SF3B1: variants seen among roughly 807,000 people sequenced by gnomAD.
SF3B1 encodes pre-mRNA processing 10.
Under a neutral mutation model 153.8 loss-of-function variants are expected in SF3B1, and 12 were observed. The ratio of observed to expected loss-of-function variants is 0.08; its 90% CI spans 0.05 to 0.13. The LOEUF is 0.13. Among genes scored for constraint, SF3B1 ranks in the 10% least tolerant of loss-of-function variants. The pLI is 1.00. For missense variants in SF3B1, 513 were observed against 1,606.1 expected (o/e 0.32, Z 11.63); for synonymous variants, 498 against 525.2 (o/e 0.95, Z 0.71).
intron 5 of SF3B1, among the ~76,000 whole-genome samples, chr2:197,418,234 C>CACAAAAAAAAAAAAAAAAAAAAAAAA (rs2085183143): frequency 2.7e-5 from 1 of 36,366 alleles, no homozygotes; most frequent in African/African-American, 8.2e-5. Context: ...AGACTGTGTC[C>CACAAAAAAAAAAAAAAAAAAAAAAAA]AAAAAAAAAA....
intron 6 of SF3B1, among the ~76,000 whole-genome samples, chr2:197,413,966 C>T (rs946678515): frequency 4.6e-5 from 7 of 152,152 alleles, no homozygotes; most frequent in Middle Eastern, 3.4e-3. Flanking sequence ...GCCAACATGC[C>T]GGGCTAATTT....
intron 22 of SF3B1, among the ~76,000 whole-genome samples, 193 bp from the exon 23 acceptor site, chr2:197,396,521 G>GT (rs577550826): frequency 6.6e-6 from 1 of 151,858 alleles, no homozygotes; most frequent in Non-Finnish European, 1.5e-5. Context: ...TAAAAGGTCA[G>GT]TTTAAAAAAG....
In SF3B1 at chr2:197,390,842, C is replaced by A. The variant is rs1002007894; in HGVS notation, c.*1461G>T. 1.3e-5 allele frequency: 2 copies of A among 152,114 alleles called. No individual in the cohort carries two copies. The highest frequency in any genetic ancestry group is 2.4e-5 in the African/African-American group (1 of 41,390). 9.4% of individuals were successfully genotyped at this position (152,114 alleles called of 1,614,324 possible). A position where few individuals can be genotyped will look rare whatever the true frequency, so the allele number is the denominator to read the frequency against. On this transcript the variant is annotated 3_prime_UTR_variant, in exon 25 of 25. Transcript: ENST00000335508. ...GGTCTCGATCTCCTGACCTCGTGAT[C>A]CGCCCGCCTCAGCCTCCCAAAGTGC...
chr2:197,397,591 T>A (rs2084890973), intron 22 of SF3B1, among the ~76,000 whole-genome samples: 1 of 151,570 alleles, frequency 6.6e-6, no homozygotes, highest in African/African-American at 2.4e-5. Context: ...AGGCCAGGAG[T>A]TCGAGAACAG....
Position 197,400,979 on chromosome 2 carries a change from C to T in SF3B1, c.2497-43G>A, listed in dbSNP as rs752425139. ...ACAAAAAACCTTTTAGACTGCTTTT[C>T]CAAGGAAATAAAGCAACATCATGAA... On this transcript the variant is annotated intron_variant, in intron 17 of 24. Transcript: ENST00000335508. This position sits in a 1 kb window ranked among gnomAD's most constrained non-coding sequence, Gnocchi z 5.0. The T allele has an allele frequency of 2.4e-5, 30 of 1,272,152 alleles. No individual in the cohort carries two copies. Among genetic ancestry groups the T allele is most frequent in the Non-Finnish European group, 3.4e-5 (30 of 890,424 alleles). 78.8% of individuals were successfully genotyped at this position (1,272,152 alleles called of 1,614,324 possible). A position where few individuals can be genotyped will look rare whatever the true frequency, so the allele number is the denominator to read the frequency against.
At chr2:197,418,666 C>A (rs2085192802) in intron 4 of SF3B1, 78 bp from the exon 5 acceptor site, 4 of 1,531,156 alleles carry the variant, frequency 2.6e-6, no homozygotes, top group South Asian at 1.3e-5. Flanking sequence ...ATCTGCCCTG[C>A]TCTAAATATT....
Position 197,401,922 on chromosome 2 carries a change from A to G in SF3B1, c.2224-34T>C. On this transcript the variant is annotated intron_variant, in intron 15 of 24. Transcript: ENST00000335508. The surrounding 1 kb of genome is among the most constrained non-coding windows in gnomAD (Gnocchi z 4.2). ...AAATAAAAAATATATGTACTTTAGT[A>G]ATTTAGATTTATGTCGCCTTAACTT... 6.3e-7 allele frequency: 1 copy of G among 1,589,412 alleles called. No homozygotes were observed. The highest frequency in any genetic ancestry group is 8.5e-7 in the Non-Finnish European group (1 of 1,171,274).
chr2:197,392,644 C>T (rs916001961), intron 24 of SF3B1, among the ~76,000 whole-genome samples, 183 bp from the exon 25 acceptor site: 2 of 150,962 alleles, frequency 1.3e-5, no homozygotes, highest in African/African-American at 4.9e-5. Context: ...CCCCTGTCAC[C>T]ACACAATTGT....
chr2:197,427,247 G>T (rs1274873027), intron 1 of SF3B1, among the ~76,000 whole-genome samples: 2 of 152,160 alleles, frequency 1.3e-5, no homozygotes, highest in African/African-American at 2.4e-5. Flanking sequence ...TAATCCTAAG[G>T]TGAGTATATT....
In SF3B1 at chr2:197,405,492, A is replaced by C; in HGVS notation, c.1240-20T>G. The C allele has an allele frequency of 6.4e-7, 1 of 1,557,264 alleles. No individual in the cohort carries two copies. Among genetic ancestry groups the C allele is most frequent in the Non-Finnish European group, 8.8e-7 (1 of 1,137,740 alleles). ...AAGTACCTAATAAAAGTTATAAGAC[A>C]GTTTAGGATTTTCTTAACTTAAAAA... On this transcript the variant is annotated intron_variant, in intron 9 of 24. Coordinates refer to ENST00000335508, the MANE Select transcript of SF3B1 (RefSeq NM_012433.4).
chr2:197,420,030 A>G (rs1574547597), intron 4 of SF3B1: 1 of 240,316 alleles, frequency 4.2e-6, no homozygotes, highest in East Asian at 6.2e-5. Flanking sequence ...GGGGAGCTCT[A>G]GTGTGAGAAA....
chr2:197,410,828 A>G (rs565293968), intron 6 of SF3B1, among the ~76,000 whole-genome samples: 1 of 152,232 alleles, frequency 6.6e-6, no homozygotes, highest in East Asian at 1.9e-4. Context: ...ATAACCAGAT[A>G]CCGTCACATG....
chr2:197,400,922 A>G lies in SF3B1; in HGVS notation c.2511T>C (p.Thr837=), dbSNP rs746065254. 3 of 1,610,672 alleles carry G rather than the reference A, an allele frequency of 1.9e-6. No individual in the cohort carries two copies. The highest frequency in any genetic ancestry group is 2.2e-5 in the East Asian group (1 of 44,846). The change falls in exon 18 of 25, where the codon ACT becomes ACC. Residue 837 remains threonine (T), a synonymous_variant. Coordinates refer to ENST00000335508, the MANE Select transcript of SF3B1 (RefSeq NM_012433.4). The surrounding 1 kb of genome is among the most constrained non-coding windows in gnomAD (Gnocchi z 5.0). ...CACCTACTTTGTTTGCCAACTCCAC[A>G]GTAGTATCAACTAACTAAAAAGAAC... is the stretch of plus-strand genomic sequence containing the variant. ...RRNYRQLVDT[T]VELANKVGAA...
chr2:197,398,385 T>C (rs2084899725), intron 21 of SF3B1, 76 bp downstream of exon 21: 8 of 1,478,202 alleles, frequency 5.4e-6, no homozygotes. Context: ...ATTAAGGAAA[T>C]TTTGCTAATT....
rs1220205662 is a variant in SF3B1, at chr2:197,401,291, T to TA, written c.2496+108dup. 1 of 996,770 alleles carries TA rather than the reference T, an allele frequency of 1.0e-6. No homozygotes were observed. The highest frequency in any genetic ancestry group is 2.4e-5 in the East Asian group (1 of 41,394). The allele number at this position is 996,770 out of a possible 1,614,324, so 61.7% of individuals were successfully genotyped here. A position where few individuals can be genotyped will look rare whatever the true frequency, so the allele number is the denominator to read the frequency against. On this transcript the variant is annotated intron_variant, in intron 17 of 24. Coordinates refer to ENST00000335508, the MANE Select transcript of SF3B1 (RefSeq NM_012433.4). The surrounding 1 kb of genome is among the most constrained non-coding windows in gnomAD (Gnocchi z 4.2). ...ATCTCCTTTCATAATCAAGCACATA[T>TA]AAACTGTGAGATAATCAAGGCAAAA...
At chr2:197,412,920 G>C (rs956033209) in intron 6 of SF3B1, among the ~76,000 whole-genome samples, 1 of 145,848 alleles carries the variant, frequency 6.9e-6, no homozygotes. Flanking sequence ...GAGGTTGCAG[G>C]GGACCAAAAT....
chr2:197,432,811 A>G (rs1242672570), intron 1 of SF3B1, among the ~76,000 whole-genome samples: 2 of 152,224 alleles, frequency 1.3e-5, no homozygotes, highest in African/African-American at 4.8e-5. Context: ...GGTTGCTGTG[A>G]GCCGAGATTG....
chr2:197,411,384 G>C (rs1284862802), intron 6 of SF3B1, among the ~76,000 whole-genome samples: 1 of 151,984 alleles, frequency 6.6e-6, no homozygotes, highest in Non-Finnish European at 1.5e-5. Flanking sequence ...TTAAAGTTGG[G>C]AGCTCTTGGC....
chr2:197,398,342 G>T, intron 21 of SF3B1, 119 bp downstream of exon 21: 1 of 1,128,168 alleles, frequency 8.9e-7, no homozygotes, highest in Non-Finnish European at 1.3e-6. Context: ...ATTAATACTG[G>T]ATAGCCTAAT....
Sources: gnomAD v4.1 joint callset for allele counts (sites outside exome capture counted in the v4.1 genomes callset) on GRCh38, gnomAD v4.1.1 for gene constraint, Gnocchi (gnomAD v3.1) non-coding constraint, MANE v1.5 for transcripts, NCBI Gene and HGNC (gene_info 2026-07-23, HGNC 2026-07-21) for gene names.